The following TG variants were observed in gnomAD, a reference collection of about 807,000 sequenced individuals.
TG encodes thyroid hormones.
TG carries 270 observed loss-of-function variants against 324.7 expected under a neutral mutation model. That is an observed-to-expected ratio of 0.83 (90% CI 0.75 to 0.92). The LOEUF is 0.92. Among genes scored for constraint, TG ranks in the 40% least tolerant of loss-of-function variants. The probability of loss-of-function intolerance (pLI) is 0.00; values close to 1 mark genes in which losing one functional copy is unlikely to be tolerated. For synonymous variants in TG, 1,401 were observed against 1,327.0 expected (o/e 1.06, Z -1.21); for missense variants, 3,591 against 3,456.4 (o/e 1.04, Z -0.98).
Position 133,096,196 on chromosome 8 carries a change from T to C in TG, c.7405-10T>C, listed in dbSNP as rs755113349. 2 of 1,614,242 alleles carry C rather than the reference T, an allele frequency of 1.2e-6. No homozygotes were observed. Among genetic ancestry groups the C allele is most frequent in the Non-Finnish European group, 1.7e-6 (2 of 1,180,034 alleles). On this transcript the variant is annotated splice_polypyrimidine_tract_variant and intron_variant, in intron 42 of 47. Transcript: ENST00000220616. ...TCCAGGACAACTGATTATTGTTGCATCCAATGCAGCTCCTGGCCGTGAGTG... is the reference window on the plus strand; with the variant it reads ...TCCAGGACAACTGATTATTGTTGCACCCAATGCAGCTCCTGGCCGTGAGTG...
At chr8:133,064,480 G>A (rs2741205) in intron 41 of TG, among the ~76,000 whole-genome samples, 37,741 of 152,116 alleles carry the variant, frequency 0.25, 5,583 homozygotes, top group East Asian at 0.55. Context: ...GTGAGATCAG[G>A]GGTTAGTCAC....
chr8:132,964,825 G>T, intron 29 of TG: 1 of 694,368 alleles, frequency 1.4e-6, no homozygotes, highest in Admixed American at 2.1e-5. Context: ...GATGCAATGT[G>T]GACAGGTGTC....
At chr8:132,900,112 T>A in intron 14 of TG, 125 bp from the exon 15 acceptor site, 1 of 774,012 alleles carries the variant, frequency 1.3e-6, no homozygotes, top group Non-Finnish European at 2.2e-6. Flanking sequence ...CACCTCCACA[T>A]CTCTCCGTCT....
At chr8:133,132,014 G>T (rs180874573) in intron 46 of TG, 68 bp downstream of exon 46, 2 of 1,604,254 alleles carry the variant, frequency 1.2e-6, no homozygotes, top group East Asian at 2.2e-5. Context: ...CAAGCAGAAC[G>T]CAAAGGCCCA....
At chr8:133,061,207 A>G (rs1842324480) in intron 41 of TG, among the ~76,000 whole-genome samples, 1 of 152,084 alleles carries the variant, frequency 6.6e-6, no homozygotes, top group Non-Finnish European at 1.5e-5. Context: ...ATGGGGTTTC[A>G]CCATGTTGCC....
At chr8:132,907,173 G>A (rs1012975703) in intron 17 of TG, among the ~76,000 whole-genome samples, 2 of 152,112 alleles carry the variant, frequency 1.3e-5, no homozygotes, top group East Asian at 3.9e-4. Flanking sequence ...ACTTTCTTGG[G>A]ATGTCTTGGA....
intron 41 of TG, chr8:133,063,743 A>G (rs1288306548): frequency 6.6e-6 from 1 of 152,198 alleles, no homozygotes; most frequent in East Asian, 1.9e-4. Flanking sequence ...ATGACCACCA[A>G]AAAAACCATC....
chr8:132,956,616 G>A (rs903603730), intron 27 of TG, among the ~76,000 whole-genome samples: 5 of 152,212 alleles, frequency 3.3e-5, no homozygotes, highest in Non-Finnish European at 7.3e-5. Context: ...AGCATTCAGT[G>A]TGACTCGGGA....
intron 45 of TG, among the ~76,000 whole-genome samples, chr8:133,119,471 A>G (rs547240288): frequency 1.3e-5 from 2 of 152,358 alleles, no homozygotes; most frequent in African/African-American, 2.4e-5. Context: ...AGATCAAGGC[A>G]TGGGAAGATT....
At chr8:132,872,849 T>C (rs1241174483) in intron 4 of TG, among the ~76,000 whole-genome samples, 1 of 152,202 alleles carries the variant, frequency 6.6e-6, no homozygotes, top group African/African-American at 2.4e-5. Flanking sequence ...CTGGGAGCAC[T>C]AGGCTAGACC....
intron 31 of TG, among the ~76,000 whole-genome samples, chr8:132,969,195 T>C (rs1829104418): frequency 6.6e-6 from 1 of 152,212 alleles, no homozygotes; most frequent in African/African-American, 2.4e-5. Flanking sequence ...TTTCTTGGTC[T>C]GTTAGGCCTA....
intron 28 of TG, among the ~76,000 whole-genome samples, 163 bp from the exon 29 acceptor site, chr8:132,962,831 T>C (rs967430704): frequency 6.6e-6 from 1 of 152,196 alleles, no homozygotes; most frequent in African/African-American, 2.4e-5. Context: ...ATGTTCCATA[T>C]AAAAAAGAGT....
intron 35 of TG, among the ~76,000 whole-genome samples, chr8:132,984,958 A>C (rs1831340582): frequency 6.6e-6 from 1 of 151,068 alleles, no homozygotes; most frequent in East Asian, 1.9e-4. Context: ...AAGCAAAACA[A>C]ATGAGTTCCC....
intron 43 of TG, among the ~76,000 whole-genome samples, chr8:133,097,797 T>C (rs1289829025): frequency 6.6e-6 from 1 of 152,194 alleles, no homozygotes; most frequent in Non-Finnish European, 1.5e-5. Flanking sequence ...ATGTGTTACA[T>C]ATTATATATA....
chr8:132,886,409 A>G, intron 8 of TG, 39 bp from the exon 9 acceptor site: 4 of 1,613,714 alleles, frequency 2.5e-6, no homozygotes, highest in Non-Finnish European at 3.4e-6. Flanking sequence ...TGCTTGTGAC[A>G]TTAAAACCTT....
chr8:133,039,158 C>T (rs1032820808), intron 41 of TG, among the ~76,000 whole-genome samples: 2 of 152,176 alleles, frequency 1.3e-5, no homozygotes, highest in African/African-American at 2.4e-5. Flanking sequence ...GGGTTACAGG[C>T]GTGAGCCACC....
chr8:133,024,050 C>T (rs1835793604), intron 40 of TG, among the ~76,000 whole-genome samples: 1 of 152,242 alleles, frequency 6.6e-6, no homozygotes, highest in South Asian at 2.1e-4. Flanking sequence ...ATTACCTCAT[C>T]TATTTCTCAC....
At chr8:132,873,472 C>T (rs1239774007) in intron 5 of TG, among the ~76,000 whole-genome samples, 1 of 152,174 alleles carries the variant, frequency 6.6e-6, no homozygotes, top group East Asian at 1.9e-4. Context: ...AATGTGAAGA[C>T]ATATCGGCTA....
intron 28 of TG, among the ~76,000 whole-genome samples, chr8:132,962,532 C>T (rs1310132712): frequency 1.3e-5 from 2 of 152,210 alleles, no homozygotes; most frequent in Non-Finnish European, 2.9e-5. Context: ...CCTGCACTGC[C>T]ACAGGCTCAC....
Sources: gnomAD v4.1 joint callset for allele counts (sites outside exome capture counted in the v4.1 genomes callset) on GRCh38, gnomAD v4.1.1 for gene constraint, MANE v1.5 for transcripts, NCBI Gene and HGNC (gene_info 2026-07-23, HGNC 2026-07-21) for gene names.